CLN6: variants seen among roughly 807,000 people sequenced by gnomAD.
CLN6 encodes CLN6 transmembrane ER protein.
CLN6 carries 22 observed loss-of-function variants against 33.3 expected under a neutral mutation model. The observed-to-expected ratio is 0.66, with a 90% CI of 0.47 to 0.94. CLN6 has a LOEUF of 0.94. Among genes scored for constraint, CLN6 ranks in the 40% least tolerant of loss-of-function variants. The pLI is 0.00. For missense variants in CLN6, 387 were observed against 417.1 expected (o/e 0.93, Z 0.63); for synonymous variants, 201 against 174.6 (o/e 1.15, Z -1.19).
Position 68,240,846 on chromosome 15 carries a change from T to TG in CLN6, c.179+15843dup, listed in dbSNP as rs1003917823. On this transcript the variant is annotated intron_variant, in intron 1 of 6. Coordinates refer to the CLN6 transcript ENST00000538696. ...TAAAAATACAAAAATTAGCTGGGCG[T>TG]GGCGGTGGGTGCCTGTAATCCCAGC... Among the ~76,000 whole-genome samples the TG allele has an allele frequency of 2.1e-4, 32 of 151,674 alleles. No homozygotes were observed. In the East Asian group the frequency reaches 4.5e-3, roughly 21 times the overall value.
intron 1 of CLN6, among the ~76,000 whole-genome samples, chr15:68,244,880 G>A (rs764913217): frequency 2.6e-5 from 4 of 151,670 alleles, no homozygotes; most frequent in Non-Finnish European, 5.9e-5. Context: ...ATGGTGAAAC[G>A]CTGTCTCTAC....
intron 1 of CLN6, chr15:68,254,979 C>A (rs1892419440): frequency 3.7e-6 from 3 of 807,964 alleles, no homozygotes; most frequent in Admixed American, 1.8e-5. Context: ...TCAAGTTTTA[C>A]AAAAATGCAG....
rs762916725 is a variant in CLN6 at position 68,208,151 on chromosome 15, T to C, written c.925A>G (p.Ser309Gly). The C allele has an allele frequency of 1.5e-6, 2 of 1,368,704 alleles. No individual in the cohort carries two copies. Among genetic ancestry groups the C allele is most frequent in the Non-Finnish European group, 1.9e-6 (2 of 1,027,902 alleles). 84.8% of individuals were successfully genotyped at this position (1,368,704 alleles called of 1,614,324 possible). A position where few individuals can be genotyped will look rare whatever the true frequency, so the allele number is the denominator to read the frequency against. The change falls in exon 7 of 7, where the codon AGT (serine) becomes GGT (glycine). Residue 309 changes from serine to glycine, a missense_variant. By Grantham distance (56) the Ser-to-Gly change is moderately conservative. Transcript: ENST00000249806. This position sits in a 1 kb window ranked among gnomAD's most constrained non-coding sequence, Gnocchi z 5.8. Reference protein sequence around the residue: ...PWAFYTLHVSSRH With the variant: ...PWAFYTLHVSGRH The stretch of plus-strand genomic sequence containing the variant: ...CTGGTGCCAGGGACTCAGTGCCGAC[T>C]GCTGACGTGAAGGGTGTAGAAAGCC...
rs767889707 is a variant in CLN6 at position 68,208,336 on chromosome 15, T to G, written c.740A>C (p.His247Pro). 1 of 1,614,026 alleles carries G rather than the reference T, an allele frequency of 6.2e-7. No individual in the cohort carries two copies. Among genetic ancestry groups the G allele is most frequent in the South Asian group, 1.1e-5 (1 of 91,078 alleles). ...CAGGAAGAGGCGCTTGCGCTTCTGG[T>G]GCAGGACGAGGGCCAGCATGGCGAA... ...TFFAMLALVL[H>P]QKRKRLFLDS... is the part of the protein sequence containing the mutation. Residue 247 changes from histidine (H) to proline (P), a missense_variant, in exon 7 of 7, where the codon CAC becomes CCC. Physicochemically the swap from His to Pro is moderately conservative, Grantham distance 77. Coordinates refer to ENST00000249806, the MANE Select transcript of CLN6 (RefSeq NM_017882.3). This position sits in a 1 kb window ranked among gnomAD's most constrained non-coding sequence, Gnocchi z 5.8.
rs548821903 is a variant in CLN6 at position 68,211,230 on chromosome 15, C to T, written c.542+33G>A. The T allele has an allele frequency of 1.6e-3, 2,605 of 1,606,504 alleles. 61 individuals carry two copies. In the South Asian group the frequency reaches 0.027, roughly 16 times the overall value. ...TGACAGGGCTAGCCGGTAGTTGGGG[C>T]CCCTGGGATAGACAGATGGGCCCAT... On this transcript the variant is annotated intron_variant, in intron 5 of 6. Transcript: ENST00000249806. The surrounding 1 kb of genome is among the most constrained non-coding windows in gnomAD (Gnocchi z 5.9).
rs143619311 is a variant in CLN6, at chr15:68,213,667, C to A, written c.297+623G>T. 2.0e-5 allele frequency: 3 copies of A among 152,726 alleles called. No homozygotes were observed. In the East Asian group the frequency reaches 5.8e-4, roughly 29 times the overall value. 9.5% of individuals were successfully genotyped at this position (152,726 alleles called of 1,614,324 possible). A position where few individuals can be genotyped will look rare whatever the true frequency, so the allele number is the denominator to read the frequency against. ...ACAGGCTCCAGCCACCGCGCCTGGC[C>A]GAGTTTTCTACTTATAGTATCATGC... On this transcript the variant is annotated intron_variant, in intron 3 of 6. Coordinates refer to ENST00000249806, the MANE Select transcript of CLN6 (RefSeq NM_017882.3).
At position 68,236,582 on chromosome 15, in the gene CLN6, T is replaced by C. The variant is rs1421876656; in HGVS notation, c.180-17932A>G. On this transcript the variant is annotated intron_variant, in intron 1 of 6. Transcript: ENST00000538696. This position sits in a 1 kb window ranked among gnomAD's most constrained non-coding sequence, Gnocchi z 4.5. ...AGACAGAAAGTAGACATAATGGGGA[T>C]AGAAGGAAGTTGATAGTGATGGCTA... Among the ~76,000 whole-genome samples, 3 of 152,210 alleles carry C rather than the reference T, an allele frequency of 2.0e-5. No homozygotes were observed. Among genetic ancestry groups the C allele is most frequent in the African/African-American group, 7.2e-5 (3 of 41,462 alleles).
Position 68,209,213 on chromosome 15 carries a change from T to C in CLN6, c.665+424A>G, listed in dbSNP as rs2093197351. The stretch of plus-strand genomic sequence containing the variant: ...TGCTTTACATTTGACAAAGCCCCTC[T>C]CTGTCCTCAGCATCCTCATCATCTG... On this transcript the variant is annotated intron_variant, in intron 6 of 6. Transcript: ENST00000249806. This position sits in a 1 kb window ranked among gnomAD's most constrained non-coding sequence, Gnocchi z 4.9. 6.6e-6 allele frequency among the ~76,000 whole-genome samples: 1 copy of C among 152,140 alleles called. No homozygotes were observed. The highest frequency in any genetic ancestry group is 2.4e-5 in the African/African-American group (1 of 41,404).
rs1892342304 is a variant in CLN6, at chr15:68,247,850, A to G, written c.179+8840T>C. On this transcript the variant is annotated intron_variant, in intron 1 of 6. Transcript: ENST00000538696. The surrounding 1 kb of genome is among the most constrained non-coding windows in gnomAD (Gnocchi z 4.2). ...TCAAAACCAGCCCAGCCAACATGGC[A>G]AAACCCCATCTCTACTAAAAATACA... 6.6e-6 allele frequency among the ~76,000 whole-genome samples: 1 copy of G among 152,008 alleles called. No homozygotes were observed. Among genetic ancestry groups the G allele is most frequent in the African/African-American group, 2.4e-5 (1 of 41,358 alleles).
At chr15:68,230,494 G>A (rs1336738249), upstream of CLN6, among the ~76,000 whole-genome samples, 1 of 152,170 alleles carries the variant, frequency 6.6e-6, no homozygotes, top group Non-Finnish European at 1.5e-5. This position sits in a 1 kb window ranked among gnomAD's most constrained non-coding sequence, Gnocchi z 4.0. Flanking sequence ...GCATCCTCAA[G>A]TGAAAAACAG....
intron 1 of CLN6, chr15:68,254,924 A>C (rs539708212): frequency 1.1e-5 from 12 of 1,088,808 alleles, no homozygotes; most frequent in Non-Finnish European, 1.5e-5. Flanking sequence ...ATTTTTGATA[A>C]CTGTGTACTT....
rs2093188785 is a variant in CLN6, at chr15:68,207,168, C to A, written c.*972G>T. ...GGGGAGGTTCCTCCTCCCTTGAAACCCTGGGCCACTCTGTCAAGGCAAAGC... is the reference window on the plus strand; with the variant it reads ...GGGGAGGTTCCTCCTCCCTTGAAACACTGGGCCACTCTGTCAAGGCAAAGC... On this transcript the variant is annotated 3_prime_UTR_variant, in exon 7 of 7. Transcript: ENST00000249806. 1 of 152,252 alleles carries A rather than the reference C, an allele frequency of 6.6e-6. No individual in the cohort carries two copies. Among genetic ancestry groups the A allele is most frequent in the Non-Finnish European group, 1.5e-5 (1 of 68,078 alleles). The allele number at this position is 152,252 out of a possible 1,614,324, so 9.4% of individuals were successfully genotyped here.
At chr15:68,251,998 G>A (rs2141166924) in intron 1 of CLN6, among the ~76,000 whole-genome samples, 1 of 140,606 alleles carries the variant, frequency 7.1e-6, no homozygotes, top group African/African-American at 2.6e-5. Context: ...TTTTGAGACG[G>A]AGTCTTGGTC....
intron 2 of CLN6, 144 bp from the exon 3 acceptor site, chr15:68,214,532 G>A (rs1595819735): frequency 3.0e-6 from 2 of 666,826 alleles, no homozygotes; most frequent in African/African-American, 1.9e-5. Context: ...TCCTGTGATC[G>A]CTGGACCTTC....
rs1006073776 is a variant in CLN6 at position 68,227,839 on chromosome 15, G to A, written c.83+1663C>T. The stretch of plus-strand genomic sequence containing the variant: ...GGGAGCCCCACACAGGAGATAAAGT[G>A]GTGACCCTATCTGAGACCCACAGGC... On this transcript the variant is annotated intron_variant, in intron 1 of 6. Transcript: ENST00000249806. This position sits in a 1 kb window ranked among gnomAD's most constrained non-coding sequence, Gnocchi z 4.1. Among the ~76,000 whole-genome samples, 3 of 152,202 alleles carry A rather than the reference G, an allele frequency of 2.0e-5. No individual in the cohort carries two copies. The highest frequency in any genetic ancestry group is 7.2e-5 in the African/African-American group (3 of 41,440).
At position 68,211,951 on chromosome 15, in the gene CLN6, GAT is replaced by G; in HGVS notation, c.298-90_298-89del. The G allele has an allele frequency of 7.3e-7, 1 of 1,367,748 alleles. No homozygotes were observed. Among genetic ancestry groups the G allele is most frequent in the Non-Finnish European group, 1.0e-6 (1 of 980,910 alleles). The allele number at this position is 1,367,748 out of a possible 1,614,324, so 84.7% of individuals were successfully genotyped here. A position where few individuals can be genotyped will look rare whatever the true frequency, so the allele number is the denominator to read the frequency against. ...GCTTCCCCCCTCACACCTGGGGTGG[GAT>G]GGACGCTTCCAGCTGGAATGTCACT... On this transcript the variant is annotated intron_variant, in intron 3 of 6. Coordinates refer to ENST00000249806, the MANE Select transcript of CLN6 (RefSeq NM_017882.3). The surrounding 1 kb of genome is among the most constrained non-coding windows in gnomAD (Gnocchi z 5.9).
In CLN6 at chr15:68,209,372, C is replaced by T. The variant is rs11632516; in HGVS notation, c.665+265G>A. On this transcript the variant is annotated intron_variant, in intron 6 of 6. Coordinates refer to ENST00000249806, the MANE Select transcript of CLN6 (RefSeq NM_017882.3). The surrounding 1 kb of genome is among the most constrained non-coding windows in gnomAD (Gnocchi z 4.9). ...GGGGTTCTTGAGATGGGGCACAGAG[C>T]GAGAGGGGCTTGAGGATGGAGACAG... Among the ~76,000 whole-genome samples the T allele has an allele frequency of 0.46, 70,134 of 151,914 alleles. 17,199 individuals carry two copies. The highest frequency in any genetic ancestry group is 0.56 in the Non-Finnish European group (37,749 of 67,918).
At chr15:68,253,489 T>C (rs1439505226) in intron 1 of CLN6, among the ~76,000 whole-genome samples, 3 of 152,266 alleles carry the variant, frequency 2.0e-5, no homozygotes, top group African/African-American at 7.2e-5. Flanking sequence ...CTCATGGCAA[T>C]TGACACATCT....
rs1447801996 is a variant in CLN6, at chr15:68,211,030, G to A, written c.542+233C>T. 6.6e-6 allele frequency among the ~76,000 whole-genome samples: 1 copy of A among 152,194 alleles called. No homozygotes were observed. Among genetic ancestry groups the A allele is most frequent in the African/African-American group, 2.4e-5 (1 of 41,454 alleles). On this transcript the variant is annotated intron_variant, in intron 5 of 6. Transcript: ENST00000249806. The surrounding 1 kb of genome is among the most constrained non-coding windows in gnomAD (Gnocchi z 5.9). ...GGGCTGGGCGGGGGTGGCGATGCTG[G>A]GGGGATGCTGGCTGGAAGCCGGGGC...
Sources: allele counts gnomAD v4.1 joint callset (sites outside exome capture counted in the v4.1 genomes callset), GRCh38; gene constraint gnomAD v4.1.1; non-coding constraint Gnocchi (gnomAD v3.1); transcripts MANE v1.5; gene names NCBI Gene and HGNC (gene_info 2026-07-23, HGNC 2026-07-21).